The following CCDC178 variants were observed in gnomAD, a reference collection of about 807,000 sequenced individuals.
CCDC178 encodes coiled-coil domain containing 178.
In CCDC178, 126 loss-of-function variants were observed where a neutral mutation model predicts 117.4. The ratio of observed to expected loss-of-function variants is 1.07; its 90% CI spans 0.93 to 1.24. The LOEUF (loss-of-function observed/expected upper bound fraction) is 1.24. Among genes scored for constraint, CCDC178 ranks in the 50% most tolerant of loss-of-function variants. The pLI is 0.00. For synonymous variants in CCDC178, 283 were observed against 313.4 expected, an observed-to-expected ratio of 0.90 and a Z score of 1.02; for missense variants, 1,030 against 986.9, an observed-to-expected ratio of 1.04 and a Z score of -0.59.
intron 20 of CCDC178, among the ~76,000 whole-genome samples, chr18:33,104,550 C>T (rs982799799): frequency 1.3e-5 from 2 of 151,696 alleles, no homozygotes; most frequent in Admixed American, 1.3e-4. Flanking sequence ...CTCCTGAAAA[C>T]ACCATCTTTT....
intron 2 of CCDC178, among the ~76,000 whole-genome samples, chr18:33,434,746 G>T (rs1204291825): frequency 1.3e-5 from 2 of 152,134 alleles, no homozygotes; most frequent in African/African-American, 4.8e-5. Context: ...TTCAGGAGGG[G>T]TGTATATTTC....
chr18:33,035,306 C>A (rs1401227609), intron 21 of CCDC178, among the ~76,000 whole-genome samples: 3 of 151,682 alleles, frequency 2.0e-5, no homozygotes, highest in Non-Finnish European at 4.4e-5. Context: ...TTCCAGCATA[C>A]AAGTGGAATG....
At chr18:33,051,160 G>A (rs1189578048) in intron 21 of CCDC178, among the ~76,000 whole-genome samples, 1 of 152,010 alleles carries the variant, frequency 6.6e-6, no homozygotes, top group African/African-American at 2.4e-5. Context: ...TGATCCTCCT[G>A]CCTCGGCTCC....
intron 20 of CCDC178, among the ~76,000 whole-genome samples, chr18:33,199,425 C>A (rs1033212840): frequency 1.3e-5 from 2 of 152,132 alleles, no homozygotes; most frequent in African/African-American, 4.8e-5. Flanking sequence ...TCTCTTGTTC[C>A]ACCTATCATA....
chr18:33,356,387 CAT>C (rs1249584548), intron 6 of CCDC178, 41 bp from the exon 7 acceptor site: 1 of 1,431,678 alleles, frequency 7.0e-7, no homozygotes, highest in Non-Finnish European at 9.4e-7. Flanking sequence ...AAATCTTAAA[CAT>C]ATTAAAAAAC....
At position 33,127,464 on chromosome 18, in the gene CCDC178, C is replaced by T. The variant is rs150416978; in HGVS notation, c.2239-34554G>A. 1.3e-3 allele frequency among the ~76,000 whole-genome samples: 205 copies of T among 152,208 alleles called. 1 individual carries two copies. Among genetic ancestry groups the T allele is most frequent in the Middle Eastern group, 6.8e-3 (2 of 294 alleles). ...TTTGTTTGTTTTTTTGAGATGGAGT[C>T]TCACTCTGCCACCCAGGCTGGAGTG... On this transcript the variant is annotated intron_variant, in intron 20 of 22. Transcript: ENST00000383096.
intron 15 of CCDC178, among the ~76,000 whole-genome samples, chr18:33,229,166 G>A (rs73421451): frequency 1.4e-3 from 207 of 152,264 alleles, no homozygotes; most frequent in African/African-American, 4.6e-3. Flanking sequence ...CATAGGCTGA[G>A]CTGCCATAGA....
chr18:33,369,893 G>A (rs971230168), intron 6 of CCDC178, among the ~76,000 whole-genome samples, 157 bp downstream of exon 6: 10 of 151,966 alleles, frequency 6.6e-5, no homozygotes, highest in Admixed American at 6.6e-4. Flanking sequence ...TCAAAAACAT[G>A]TCTAGACTAG....
chr18:33,403,053 A>T (rs58512944), intron 3 of CCDC178, among the ~76,000 whole-genome samples: 6,450 of 152,128 alleles, frequency 0.042, 477 homozygotes, highest in African/African-American at 0.15. Flanking sequence ...ATATAACCAA[A>T]TCCCTTTATC....
At chr18:33,171,082 A>G (rs1278747067) in intron 20 of CCDC178, among the ~76,000 whole-genome samples, 1 of 152,164 alleles carries the variant, frequency 6.6e-6, no homozygotes, top group Non-Finnish European at 1.5e-5. Context: ...ATCCTGAGAC[A>G]GGATTGAAAT....
intron 19 of CCDC178, among the ~76,000 whole-genome samples, chr18:33,213,763 C>A (rs977657909): frequency 1.3e-5 from 2 of 151,910 alleles, no homozygotes; most frequent in Admixed American, 1.3e-4. Flanking sequence ...TTTCCACTTT[C>A]TAGTTAAGAA....
At chr18:33,342,483 C>A (rs1236430421) in intron 9 of CCDC178, among the ~76,000 whole-genome samples, 2 of 152,192 alleles carry the variant, frequency 1.3e-5, no homozygotes, top group African/African-American at 4.8e-5. Flanking sequence ...TGTCCCCACC[C>A]AATCTCAACT....
intron 21 of CCDC178, among the ~76,000 whole-genome samples, chr18:33,073,226 T>C (rs536317078): frequency 3.4e-4 from 51 of 151,984 alleles, no homozygotes; most frequent in African/African-American, 1.2e-3. Context: ...ACTTTTGGAA[T>C]GTAGCTTCCC....
intron 21 of CCDC178, among the ~76,000 whole-genome samples, chr18:33,080,678 C>A (rs1319506198): frequency 6.6e-6 from 1 of 152,102 alleles, no homozygotes; most frequent in Non-Finnish European, 1.5e-5. Context: ...CAAACTAATA[C>A]AGTAGTTTTG....
intron 5 of CCDC178, among the ~76,000 whole-genome samples, chr18:33,374,362 T>C (rs187549823): frequency 2.0e-5 from 3 of 152,270 alleles, no homozygotes; most frequent in Admixed American, 6.5e-5. Flanking sequence ...CAAATGACTA[T>C]TGCAATGTGA....
intron 20 of CCDC178, among the ~76,000 whole-genome samples, chr18:33,198,593 T>C (rs1048228467): frequency 9.9e-5 from 15 of 152,224 alleles, no homozygotes; most frequent in African/African-American, 3.1e-4. Context: ...AAATATCTTA[T>C]GCTATGTTTA....
At chr18:33,432,040 T>C (rs1215148906) in intron 2 of CCDC178, among the ~76,000 whole-genome samples, 1 of 152,140 alleles carries the variant, frequency 6.6e-6, no homozygotes, top group Non-Finnish European at 1.5e-5. Flanking sequence ...GCAGGCTGCA[T>C]CACAGGCATG....
chr18:33,154,128 C>CT (rs2058367138), intron 20 of CCDC178, among the ~76,000 whole-genome samples: 1 of 152,118 alleles, frequency 6.6e-6, no homozygotes, highest in South Asian at 2.1e-4. Flanking sequence ...AAATTATAAT[C>CT]TGTGCACACA....
At chr18:33,238,239 C>G (rs1326163057) in intron 15 of CCDC178, among the ~76,000 whole-genome samples, 2 of 151,980 alleles carry the variant, frequency 1.3e-5, no homozygotes, top group Non-Finnish European at 2.9e-5. Flanking sequence ...AAACAATAAA[C>G]ATGAAAAAGC....
Sources: allele counts gnomAD v4.1 joint callset (sites outside exome capture counted in the v4.1 genomes callset), GRCh38; gene constraint gnomAD v4.1.1; transcripts MANE v1.5; gene names NCBI Gene and HGNC (gene_info 2026-07-23, HGNC 2026-07-21).